Variants in CD276 observed in about 807,000 individuals in gnomAD.
CD276 encodes the protein CD276 molecule, also known as CD276 antigen.
CD276 carries 34 observed loss-of-function variants against 50.0 expected under a neutral mutation model. That is an observed-to-expected ratio of 0.68 (90% CI 0.52 to 0.91). The LOEUF (loss-of-function observed/expected upper bound fraction) is 0.91. Ranked by LOEUF, CD276 falls within the 40% of genes least tolerant of loss-of-function variation. The pLI, the probability that CD276 is intolerant of heterozygous loss-of-function variation, is 0.00. For synonymous variants in CD276, 275 were observed against 313.0 expected (o/e 0.88, Z 1.28); for missense variants, 634 against 717.5 (o/e 0.88, Z 1.33).
intron 2 of CD276, among the ~76,000 whole-genome samples, chr15:73,700,117 T>C (rs1402866249): frequency 6.6e-6 from 1 of 152,002 alleles, no homozygotes; most frequent in Non-Finnish European, 1.5e-5. Context: ...ATAGCACACC[T>C]CCGCTCCTCC....
Position 73,703,971 on chromosome 15 carries a change from G to T in CD276, c.1046G>T (p.Ser349Ile). The change falls in exon 5 of 10, where the codon AGC becomes ATC. Residue 349 changes from serine (S) to isoleucine (I), a missense_variant. By Grantham distance (142) the Ser-to-Ile change is moderately radical. Coordinates refer to ENST00000318443, the MANE Select transcript of CD276 (RefSeq NM_001024736.2). ...TCFVSIRDFG[S>I]AAVSLQVAAP... is the part of the protein sequence containing the mutation. ...TTCGTGAGCATCCGGGATTTCGGCA[G>T]CGCTGCCGTCAGCCTGCAGGTGGCC... is the stretch of plus-strand genomic sequence containing the variant. 6.2e-7 allele frequency: 1 copy of T among 1,610,958 alleles called. No individual in the cohort carries two copies. Among genetic ancestry groups the T allele is most frequent in the Non-Finnish European group, 8.5e-7 (1 of 1,179,430 alleles).
chr15:73,707,217 G>T (rs1900684343), intron 6 of CD276, among the ~76,000 whole-genome samples: 1 of 152,372 alleles, frequency 6.6e-6, no homozygotes, highest in South Asian at 2.1e-4. Flanking sequence ...TGCAGAAGCT[G>T]CTGAGGCCCT....
rs771069583 is a variant in CD276, at chr15:73,691,816, T to TAAG, written c.-55+7360_-55+7362dup. ...CAAGGAAAGAAGGAGCAGAAGATGT[T>TAAG]AAGAAGGAATTGAAGTTTAGGCCAT... On this transcript the variant is annotated intron_variant, in intron 1 of 9. Transcript: ENST00000318443. 8.5e-5 allele frequency among the ~76,000 whole-genome samples: 13 copies of TAAG among 152,320 alleles called. No individual in the cohort carries two copies. The East Asian group carries it at 1.2e-3, about 14-fold the overall frequency.
At chr15:73,699,470 G>A in intron 1 of CD276, 116 bp from the exon 2 acceptor site, 1 of 1,360,050 alleles carries the variant, frequency 7.4e-7, no homozygotes, top group Non-Finnish European at 9.9e-7. Context: ...ATATGGGAAT[G>A]AGGACCTCCC....
At chr15:73,703,514 C>T (rs1900501825) in intron 4 of CD276, 145 bp from the exon 5 acceptor site, 1 of 713,874 alleles carries the variant, frequency 1.4e-6, no homozygotes. Context: ...AGTCCTCAGA[C>T]TTAATCTGCT....
chr15:73,701,708 C>T (rs1900394662), intron 2 of CD276, among the ~76,000 whole-genome samples: 1 of 151,796 alleles, frequency 6.6e-6, no homozygotes, highest in South Asian at 2.1e-4. Flanking sequence ...TGTATAAAAA[C>T]AAATCGTGTT....
chr15:73,691,018 G>A (rs1193864239), intron 1 of CD276, among the ~76,000 whole-genome samples: 1 of 126,478 alleles, frequency 7.9e-6, no homozygotes, highest in Non-Finnish European at 1.8e-5. Context: ...ATAGAGTATA[G>A]ATTGGAGAAC....
Position 73,702,768 on chromosome 15 carries a change from C to G in CD276, c.419-4C>G. ...CCTTGACCCCTGCCCTCTGTCACCT[C>G]CAGCTCCCTACTCGAAGCCCAGCAT... On this transcript the variant is annotated splice_polypyrimidine_tract_variant and splice_region_variant and intron_variant, in intron 3 of 9. Transcript: ENST00000318443. 3.1e-6 allele frequency: 5 copies of G among 1,609,342 alleles called. No homozygotes were observed. The highest frequency in any genetic ancestry group is 4.2e-6 in the Non-Finnish European group (5 of 1,177,732).
At chr15:73,705,115 G>A (rs964904924) in intron 6 of CD276, among the ~76,000 whole-genome samples, 2 of 152,298 alleles carry the variant, frequency 1.3e-5, no homozygotes, top group South Asian at 2.1e-4. Flanking sequence ...GTCAAGAGCC[G>A]CAGTCTCCAT....
chr15:73,699,823 G>C, intron 2 of CD276, 105 bp downstream of exon 2: 1 of 1,344,156 alleles, frequency 7.4e-7, no homozygotes, highest in South Asian at 1.5e-5. Flanking sequence ...GCTCTGGCTA[G>C]CAGGGCCATA....
chr15:73,702,224 C>T (rs1348875650), intron 2 of CD276, 31 bp from the exon 3 acceptor site: 2 of 1,545,440 alleles, frequency 1.3e-6, no homozygotes, highest in Non-Finnish European at 1.7e-6. Context: ...CTCAGTCCCC[C>T]TTATATGTTC....
At chr15:73,695,574 C>T (rs1161256300) in intron 1 of CD276, among the ~76,000 whole-genome samples, 1 of 152,118 alleles carries the variant, frequency 6.6e-6, no homozygotes, top group Non-Finnish European at 1.5e-5. Flanking sequence ...TATCTCTCTG[C>T]CCCTAGTACG....
rs755170572 is a variant in CD276, at chr15:73,704,503, G to A, written c.1369+31G>A. Reference sequence around the variant, plus strand: ...GGCAGATGAACAGCTGGGGAAGGACGGAGCGAGTAACTCCCTCTTTACTGG... The same window carrying A: ...GGCAGATGAACAGCTGGGGAAGGACAGAGCGAGTAACTCCCTCTTTACTGG... On this transcript the variant is annotated intron_variant, in intron 6 of 9. Transcript: ENST00000318443. The surrounding 1 kb of genome is among the most constrained non-coding windows in gnomAD (Gnocchi z 4.1). The A allele has an allele frequency of 2.1e-5, 33 of 1,591,808 alleles. 1 individual carries two copies. The highest frequency in any genetic ancestry group is 1.1e-4 in the African/African-American group (8 of 74,528).
At chr15:73,712,635 T>C (rs1308582103) in intron 9 of CD276, among the ~76,000 whole-genome samples, 1 of 152,182 alleles carries the variant, frequency 6.6e-6, no homozygotes, top group Non-Finnish European at 1.5e-5. Flanking sequence ...AAGGGAAAAG[T>C]GTTGCACGTA....
intron 8 of CD276, among the ~76,000 whole-genome samples, chr15:73,710,354 G>T (rs1303791975): frequency 6.6e-6 from 1 of 152,236 alleles, no homozygotes; most frequent in Non-Finnish European, 1.5e-5. Flanking sequence ...GCACCAGAGG[G>T]CTGTTTTGAA....
Position 73,713,334 on chromosome 15 carries a change from A to G in CD276, c.*378A>G. On this transcript the variant is annotated 3_prime_UTR_variant, in exon 10 of 10. Coordinates refer to ENST00000318443, the MANE Select transcript of CD276 (RefSeq NM_001024736.2). ...CTGCCTTTTTTCTCCAAAAGATGCA[A>G]TATTCAGACTGACTGACCCCCTGCC... 1 of 284,234 alleles carries G rather than the reference A, an allele frequency of 3.5e-6. No individual in the cohort carries two copies. The allele number at this position is 284,234 out of a possible 1,614,324, so 17.6% of individuals were successfully genotyped here.
intron 1 of CD276, among the ~76,000 whole-genome samples, chr15:73,695,779 T>C (rs1596007075): frequency 6.6e-6 from 1 of 152,270 alleles, no homozygotes; most frequent in African/African-American, 2.4e-5. Flanking sequence ...CAGGGACTTG[T>C]CTGACATTTT....
chr15:73,709,455 C>A, intron 7 of CD276, 193 bp from the exon 8 acceptor site: 1 of 595,178 alleles, frequency 1.7e-6, no homozygotes, highest in South Asian at 2.0e-5. Flanking sequence ...GGCTGGGAGC[C>A]CCTTCATGTT....
chr15:73,704,219 C>T lies in CD276; in HGVS notation c.1116C>T (p.Asp372=). 6.2e-7 allele frequency: 1 copy of T among 1,614,090 alleles called. No homozygotes were observed. Among genetic ancestry groups the T allele is most frequent in the Non-Finnish European group, 8.5e-7 (1 of 1,179,998 alleles). Residue 372 remains aspartate, a synonymous_variant, in exon 6 of 10, where the codon GAC becomes GAT. Transcript: ENST00000318443. This position sits in a 1 kb window ranked among gnomAD's most constrained non-coding sequence, Gnocchi z 4.1. ...GCATGACCCTGGAGCCCAACAAGGA[C>T]CTGCGGCCAGGGGACACGGTGACCA... ...KPSMTLEPNK[D]LRPGDTVTIT...
Sources: gnomAD v4.1 joint callset for allele counts (sites outside exome capture counted in the v4.1 genomes callset) on GRCh38, gnomAD v4.1.1 for gene constraint, Gnocchi (gnomAD v3.1) non-coding constraint, MANE v1.5 for transcripts, NCBI Gene and HGNC (gene_info 2026-07-23, HGNC 2026-07-21) for gene names.